KCNN2: variants seen among roughly 807,000 people sequenced by gnomAD.
KCNN2 encodes the protein small conductance calcium-activated potassium channel protein 2.
In KCNN2, 24 loss-of-function variants were observed where a neutral mutation model predicts 55.5. The observed-to-expected ratio is 0.43, with a 90% confidence interval of 0.31 to 0.61. KCNN2 has a LOEUF of 0.61. Ranked by LOEUF, KCNN2 falls within the 20% of genes least tolerant of loss-of-function variation. The pLI is 0.08. For synonymous variants in KCNN2, 431 were observed against 336.1 expected (o/e 1.28, Z -3.09); for missense variants, 754 against 853.6 (o/e 0.88, Z 1.45).
In KCNN2 at chr5:114,404,424, C is replaced by CT. The variant is rs1448769899; in HGVS notation, c.1219-11dup. Reference sequence around the variant, plus strand: ...ATGCCATACTGAAGCTGATTTTCTACTTTATTTTTTCAGTTGTTCATGGTG... The same window carrying CT: ...ATGCCATACTGAAGCTGATTTTCTACTTTTATTTTTTCAGTTGTTCATGGTG... On this transcript the variant is annotated splice_polypyrimidine_tract_variant and intron_variant, in intron 2 of 7. Transcript: ENST00000673685. The CT allele has an allele frequency of 6.2e-7, 1 of 1,603,534 alleles. No homozygotes were observed. Among genetic ancestry groups the CT allele is most frequent in the Non-Finnish European group, 8.5e-7 (1 of 1,173,580 alleles).
intron 1 of KCNN2, among the ~76,000 whole-genome samples, chr5:114,074,329 T>TGTGCGCGC (rs1200712655): frequency 7.2e-6 from 1 of 138,668 alleles, no homozygotes; most frequent in South Asian, 2.3e-4. Flanking sequence ...TGTGTGTGTG[T>TGTGCGCGC]GCGCGCGCGC....
At chr5:114,405,121 A>G (rs1758891498) in intron 3 of KCNN2, among the ~76,000 whole-genome samples, 1 of 152,104 alleles carries the variant, frequency 6.6e-6, no homozygotes, top group South Asian at 2.1e-4. Flanking sequence ...AAATTTGGAG[A>G]CCTAGAAATT....
rs142758387 is a variant in KCNN2 at position 114,232,209 on chromosome 5, T to C, written c.-185+10644T>C. 8.5e-4 allele frequency among the ~76,000 whole-genome samples: 128 copies of C among 150,940 alleles called. 5 individuals carry two copies. The highest frequency in any genetic ancestry group is 5.8e-3 in the East Asian group (30 of 5,176). ...TAAATTATTCAGGCAAGAGGCGTCATTGAATAGAGGATTAATGGTCTCGTC... is the reference window on the plus strand; with the variant it reads ...TAAATTATTCAGGCAAGAGGCGTCACTGAATAGAGGATTAATGGTCTCGTC... On this transcript the variant is annotated intron_variant, in intron 2 of 10. Coordinates refer to the KCNN2 transcript ENST00000512097.
chr5:114,242,140 G>A (rs1338851310), intron 2 of KCNN2, among the ~76,000 whole-genome samples: 1 of 151,524 alleles, frequency 6.6e-6, no homozygotes, highest in East Asian at 2.0e-4. Flanking sequence ...TTTTTATAAT[G>A]GACAATAAGC....
intron 1 of KCNN2, among the ~76,000 whole-genome samples, chr5:114,069,453 C>T (rs1318393093): frequency 6.6e-6 from 1 of 152,134 alleles, no homozygotes. Context: ...CTGTTGAAGG[C>T]TTTAAGCCTT....
intron 4 of KCNN2, among the ~76,000 whole-genome samples, chr5:114,472,757 C>A (rs556124750): frequency 6.6e-6 from 1 of 152,142 alleles, no homozygotes; most frequent in Non-Finnish European, 1.5e-5. Context: ...CTGACTTGCT[C>A]TGTTTTTTAA....
At chr5:114,150,245 C>G (rs1445178226) in intron 1 of KCNN2, among the ~76,000 whole-genome samples, 1 of 152,166 alleles carries the variant, frequency 6.6e-6, no homozygotes, top group Non-Finnish European at 1.5e-5. Flanking sequence ...TGACTTCAAA[C>G]TATACTACAA....
chr5:114,302,582 G>T (rs931695254), intron 2 of KCNN2, among the ~76,000 whole-genome samples: 2 of 152,028 alleles, frequency 1.3e-5, no homozygotes, highest in Admixed American at 1.3e-4. Flanking sequence ...AAAATAAAGA[G>T]CAAAATTTTA....
chr5:114,347,780 C>T (rs1046484740), intron 2 of KCNN2, among the ~76,000 whole-genome samples: 8 of 152,084 alleles, frequency 5.3e-5, no homozygotes, highest in Non-Finnish European at 1.2e-4. Context: ...ATTAGTTTTT[C>T]GTAATAATGG....
intron 1 of KCNN2, among the ~76,000 whole-genome samples, chr5:114,202,596 T>A (rs9764164): frequency 7.1e-6 from 1 of 141,714 alleles, no homozygotes; most frequent in African/African-American, 2.6e-5. Context: ...TTTTTTTTTT[T>A]TTTTTCCCGA....
rs1211741375 is a variant in KCNN2, at chr5:114,241,780, ATACG to A, written c.-185+20218_-185+20221del. Among the ~76,000 whole-genome samples the A allele has an allele frequency of 2.2e-4, 5 of 23,168 alleles. 1 individual carries two copies. Among genetic ancestry groups the A allele is most frequent in the African/African-American group, 7.1e-4 (3 of 4,208 alleles). The allele number at this position is 23,168 out of a possible 152,430, so 15.2% of individuals were successfully genotyped here. A position where few individuals can be genotyped will look rare whatever the true frequency, so the allele number is the denominator to read the frequency against. On this transcript the variant is annotated intron_variant, in intron 2 of 10. Transcript: ENST00000512097. ...TATATATACGTATATATATACATAT[ATACG>A]TATATATATGTATATATATACGTAT...
chr5:114,338,376 A>G (rs1756958332), intron 2 of KCNN2, among the ~76,000 whole-genome samples: 1 of 152,144 alleles, frequency 6.6e-6, no homozygotes, highest in Non-Finnish European at 1.5e-5. Flanking sequence ...TGCACATGTA[A>G]AAGTTTTTGA....
At chr5:114,149,959 A>G (rs1217495649) in intron 1 of KCNN2, among the ~76,000 whole-genome samples, 3 of 152,142 alleles carry the variant, frequency 2.0e-5, no homozygotes, top group South Asian at 2.1e-4. Context: ...GCGTCCGTTT[A>G]TAGGCTCTCC....
At chr5:114,381,438 C>T (rs550968460) in intron 2 of KCNN2, among the ~76,000 whole-genome samples, 2 of 152,244 alleles carry the variant, frequency 1.3e-5, no homozygotes, top group South Asian at 4.2e-4. Flanking sequence ...TGCAGTGGTG[C>T]TATGCTTACA....
In KCNN2 at chr5:114,362,770, A is replaced by G; in HGVS notation, c.631A>G (p.Ile211Val). The change falls in exon 1 of 8, where the codon ATA (isoleucine) becomes GTA (valine). Residue 211 changes from isoleucine to valine, a missense_variant. By Grantham distance (29) the Ile-to-Val change is conservative (BLOSUM62 3). Transcript: ENST00000673685. ...CCGCGAGAGCAACCCCTTCACCGAA[A>G]TAGCCATGAGCAGCTGCAGGTACAA... ...ARRESNPFTE[I>V]AMSSCRYNGG... The G allele has an allele frequency of 6.3e-7, 1 of 1,577,978 alleles. No individual in the cohort carries two copies. The highest frequency in any genetic ancestry group is 8.6e-7 in the Non-Finnish European group (1 of 1,167,850).
At position 114,447,569 on chromosome 5, in the gene KCNN2, C is replaced by T. The variant is rs58603571; in HGVS notation, c.1638-15480C>T. 1.8e-3 allele frequency among the ~76,000 whole-genome samples: 272 copies of T among 152,290 alleles called. 3 individuals are homozygous for T. Among genetic ancestry groups the T allele is most frequent in the African/African-American group, 6.4e-3 (265 of 41,566 alleles). On this transcript the variant is annotated intron_variant, in intron 3 of 7. Transcript: ENST00000673685. ...TCTGTTTGATTTTTGTAATTCTGAT[C>T]CTCGATGGCCTTTGGTTAACTGCAA...
At chr5:114,160,093 G>T (rs1278857831) in intron 1 of KCNN2, among the ~76,000 whole-genome samples, 1 of 152,118 alleles carries the variant, frequency 6.6e-6, no homozygotes. Context: ...TAATTGTGAT[G>T]TTAGGGTGTC....
intron 6 of KCNN2, 116 bp downstream of exon 6, chr5:114,487,293 C>T: frequency 1.1e-6 from 1 of 904,646 alleles, no homozygotes; most frequent in East Asian, 2.5e-5. Context: ...TGTTTATTCC[C>T]AGAAGATGTT....
chr5:114,224,228 T>G (rs1350788445), intron 2 of KCNN2, among the ~76,000 whole-genome samples: 2 of 152,190 alleles, frequency 1.3e-5, no homozygotes, highest in Non-Finnish European at 2.9e-5. Context: ...AGCTTAACAA[T>G]GAATATGGGG....
Sources: gnomAD v4.1 joint callset for allele counts (sites outside exome capture counted in the v4.1 genomes callset) on GRCh38, gnomAD v4.1.1 for gene constraint, MANE v1.5 for transcripts, NCBI Gene and HGNC (gene_info 2026-07-23, HGNC 2026-07-21) for gene names.